Variants in PAQR8 observed in about 807,000 individuals in gnomAD.
PAQR8 encodes the protein membrane progestin receptor beta.
A neutral mutation model predicts 25.2 loss-of-function variants in PAQR8; 17 were observed. The ratio of observed to expected loss-of-function variants is 0.67; its 90% CI spans 0.46 to 1.01. The LOEUF is 1.01. PAQR8 is among the 50% of genes least tolerant of loss of function. The pLI is 0.00. For synonymous variants in PAQR8, 204 were observed against 190.6 expected (o/e 1.07, Z -0.58); for missense variants, 392 against 448.4 (o/e 0.87, Z 1.14).
intron 1 of PAQR8, among the ~76,000 whole-genome samples, chr6:52,399,416 TA>T (rs1763806118): frequency 6.6e-6 from 1 of 152,232 alleles, no homozygotes. Context: ...TTCCAATCGC[TA>T]AACTACTAAA....
chr6:52,390,123 T>C (rs1763682947), intron 1 of PAQR8, among the ~76,000 whole-genome samples: 1 of 152,252 alleles, frequency 6.6e-6, no homozygotes, highest in African/African-American at 2.4e-5. Context: ...CTGCTCAGTG[T>C]GTTCTCCCAG....
At chr6:52,368,641 T>C (rs1763382307) in intron 1 of PAQR8, among the ~76,000 whole-genome samples, 1 of 152,242 alleles carries the variant, frequency 6.6e-6, no homozygotes, top group African/African-American at 2.4e-5. Flanking sequence ...TTAATACTGA[T>C]AAATTTACCT....
At chr6:52,399,817 C>T (rs1053277995) in intron 1 of PAQR8, among the ~76,000 whole-genome samples, 11 of 152,208 alleles carry the variant, frequency 7.2e-5, no homozygotes, top group African/African-American at 2.6e-4. Context: ...CCCCAGAACT[C>T]CAACAAGCCC....
At chr6:52,398,999 C>T (rs1247054728) in intron 1 of PAQR8, among the ~76,000 whole-genome samples, 7 of 152,156 alleles carry the variant, frequency 4.6e-5, no homozygotes, top group Non-Finnish European at 1.5e-5. Flanking sequence ...TTGGGTTACA[C>T]ACTCCAGGGG....
At chr6:52,398,300 T>C (rs1449811967) in intron 1 of PAQR8, among the ~76,000 whole-genome samples, 2 of 149,682 alleles carry the variant, frequency 1.3e-5, no homozygotes, top group Non-Finnish European at 3.0e-5. Context: ...TCCACCTCTC[T>C]GGTTCAAGTG....
Position 52,405,186 on chromosome 6 carries a change from G to C in PAQR8, c.*908G>C, listed in dbSNP as rs760722338. On this transcript the variant is annotated 3_prime_UTR_variant, in exon 2 of 2. Transcript: ENST00000442253. ...GATCTGGGGGTTGCACCAGGGAATCGCCATATTTGACCAGCATGTTTTAAA... is the reference window on the plus strand; with the variant it reads ...GATCTGGGGGTTGCACCAGGGAATCCCCATATTTGACCAGCATGTTTTAAA... 1 of 166,820 alleles carries C rather than the reference G, an allele frequency of 6.0e-6. No individual in the cohort carries two copies. Among genetic ancestry groups the C allele is most frequent in the Admixed American group, 6.5e-5 (1 of 15,286 alleles). 10.3% of individuals were successfully genotyped at this position (166,820 alleles called of 1,614,324 possible).
At chr6:52,394,932 T>TA (rs376825016) in intron 1 of PAQR8, among the ~76,000 whole-genome samples, 5,669 of 149,118 alleles carry the variant, frequency 0.038, 325 homozygotes, top group African/African-American at 0.12. Context: ...CTCTTTCCAT[T>TA]AAAAAAAAAA....
At chr6:52,383,607 G>GC (rs543936859) in intron 1 of PAQR8, among the ~76,000 whole-genome samples, 411 of 144,574 alleles carry the variant, frequency 2.8e-3, no homozygotes, top group African/African-American at 1.0e-2. Flanking sequence ...CTTGCAGTGA[G>GC]CCGAGATCCC....
chr6:52,403,854 T>A lies in PAQR8; in HGVS notation c.641T>A (p.Val214Glu). ...PYPVMRKICQ[V>E]VPAGLAFILD... ...CCAGTCATGAGGAAGATCTGTCAAG[T>A]GGTGCCAGCAGGTCTGGCTTTTATC... Residue 214 changes from valine to glutamate, a missense_variant, in exon 2 of 2, where the codon GTG becomes GAG. Physicochemically the swap from Val to Glu is moderately radical, Grantham distance 121 (BLOSUM62 -2). Coordinates refer to ENST00000442253, the MANE Select transcript of PAQR8 (RefSeq NM_133367.5). 6.2e-7 allele frequency: 1 copy of A among 1,614,278 alleles called. No individual in the cohort carries two copies. The highest frequency in any genetic ancestry group is 8.5e-7 in the Non-Finnish European group (1 of 1,180,050).
chr6:52,388,050 A>T (rs1763652895), intron 1 of PAQR8, among the ~76,000 whole-genome samples: 1 of 152,244 alleles, frequency 6.6e-6, no homozygotes, highest in Admixed American at 6.5e-5. Flanking sequence ...GGTGAGTTGT[A>T]TAATTATTTC....
intron 1 of PAQR8, among the ~76,000 whole-genome samples, chr6:52,393,476 C>T (rs1275962240): frequency 6.6e-6 from 1 of 151,694 alleles, no homozygotes; most frequent in Non-Finnish European, 1.5e-5. Flanking sequence ...ATTGGGACTA[C>T]AGGTGTGCGC....
chr6:52,373,839 T>G (rs960653729), intron 1 of PAQR8, among the ~76,000 whole-genome samples: 1 of 152,032 alleles, frequency 6.6e-6, no homozygotes, highest in Non-Finnish European at 1.5e-5. Flanking sequence ...TTGATCAAGA[T>G]AGCTTTGCTA....
At chr6:52,372,553 C>T (rs1422454956) in intron 1 of PAQR8, among the ~76,000 whole-genome samples, 2 of 152,094 alleles carry the variant, frequency 1.3e-5, no homozygotes, top group Non-Finnish European at 2.9e-5. Flanking sequence ...CAACAGATTA[C>T]ATTTAATGAG....
Position 52,365,979 on chromosome 6 carries a change from A to G in PAQR8, c.-53+3730A>G, listed in dbSNP as rs578068013. Among the ~76,000 whole-genome samples, 362 of 152,254 alleles carry G rather than the reference A, an allele frequency of 2.4e-3. 2 individuals carry two copies. The highest frequency in any genetic ancestry group is 3.4e-3 in the Non-Finnish European group (234 of 68,016). On this transcript the variant is annotated intron_variant, in intron 1 of 1. Transcript: ENST00000442253. ...TTCATCCAATGAAAATATTATTCTA[A>G]CGAAACAGCTACAGTTCTCTTGGCA...
intron 1 of PAQR8, among the ~76,000 whole-genome samples, chr6:52,379,264 A>C (rs1317505669): frequency 6.6e-6 from 1 of 152,180 alleles, no homozygotes; most frequent in Non-Finnish European, 1.5e-5. Flanking sequence ...AGAGACGGAA[A>C]GTAGAATGGC....
intron 1 of PAQR8, among the ~76,000 whole-genome samples, chr6:52,363,455 C>T (rs1411209564): frequency 6.6e-6 from 1 of 152,138 alleles, no homozygotes; most frequent in African/African-American, 2.4e-5. Context: ...TGTGTGTGCG[C>T]GCCTTAGGGA....
chr6:52,396,120 AG>A (rs1186699646), intron 1 of PAQR8, among the ~76,000 whole-genome samples: 6 of 152,180 alleles, frequency 3.9e-5, no homozygotes, highest in Non-Finnish European at 8.8e-5. Context: ...CCTTTAAAGG[AG>A]CTGGTGGCTA....
intron 1 of PAQR8, among the ~76,000 whole-genome samples, chr6:52,400,526 A>T (rs58934617): frequency 6.6e-6 from 1 of 152,130 alleles, no homozygotes; most frequent in African/African-American, 2.4e-5. Flanking sequence ...TCTGGCACCA[A>T]TGTCATAACT....
At chr6:52,378,997 T>A (rs1241380740) in intron 1 of PAQR8, among the ~76,000 whole-genome samples, 1 of 146,998 alleles carries the variant, frequency 6.8e-6, no homozygotes, top group Non-Finnish European at 1.5e-5. Context: ...CTCGGGAAGC[T>A]GAGACAGGAG....
Sources: gnomAD v4.1 joint callset for allele counts (sites outside exome capture counted in the v4.1 genomes callset) on GRCh38, gnomAD v4.1.1 for gene constraint, MANE v1.5 for transcripts, NCBI Gene and HGNC (gene_info 2026-07-23, HGNC 2026-07-21) for gene names.